SLC4A10: variants seen among roughly 807,000 people sequenced by gnomAD.
SLC4A10 encodes sodium-driven chloride bicarbonate exchanger.
Under a neutral mutation model 137.7 loss-of-function variants are expected in SLC4A10, and 42 were observed. The ratio of observed to expected loss-of-function variants is 0.30; its 90% CI spans 0.24 to 0.39. The LOEUF (loss-of-function observed/expected upper bound fraction) is 0.39, where lower values mean the gene tolerates loss of function less well. Among genes scored for constraint, SLC4A10 ranks in the 10% least tolerant of loss-of-function variants. SLC4A10 has a pLI of 1.00. For missense variants in SLC4A10, 925 were observed against 1,355.0 expected, an observed-to-expected ratio of 0.68 and a Z score of 4.98; for synonymous variants, 474 against 464.1, an observed-to-expected ratio of 1.02 and a Z score of -0.27.
In SLC4A10 at chr2:161,957,171, G is replaced by A. The variant is rs1262120947; in HGVS notation, c.2724G>A (p.Glu908=). The change falls in exon 20 of 27, where the codon GAG becomes GAA. Residue 908 remains glutamate, a synonymous_variant. Coordinates refer to ENST00000446997, the MANE Select transcript of SLC4A10 (RefSeq NM_001178015.2). The part of the protein sequence containing the change: ...GEQPKFLGIR[E]QRVTGLMIFI... ...AACCCAAATTTCTCGGCATTCGGGA[G>A]CAAAGGGTTACTGGGCTTATGATTT... The A allele has an allele frequency of 1.2e-5, 19 of 1,613,560 alleles. No homozygotes were observed. Among genetic ancestry groups the A allele is most frequent in the Admixed American group, 5.0e-5 (3 of 59,936 alleles).
At chr2:161,855,241 C>T (rs1403459536) in intron 5 of SLC4A10, 111 bp downstream of exon 5, 1 of 1,028,966 alleles carries the variant, frequency 9.7e-7, no homozygotes, top group Non-Finnish European at 1.4e-6. Flanking sequence ...TTCTCATAAT[C>T]ACTGCATAAG....
intron 4 of SLC4A10, among the ~76,000 whole-genome samples, chr2:161,843,535 G>A (rs1365882684): frequency 1.3e-5 from 2 of 152,064 alleles, no homozygotes; most frequent in African/African-American, 4.8e-5. Context: ...GGGGAGGGTA[G>A]ATGAATTTTA....
At chr2:161,749,041 T>C (rs1455431296) in intron 1 of SLC4A10, among the ~76,000 whole-genome samples, 1 of 152,034 alleles carries the variant, frequency 6.6e-6, no homozygotes, top group Non-Finnish European at 1.5e-5. Flanking sequence ...TTGATGCTAT[T>C]GTAAATGAGG....
intron 15 of SLC4A10, among the ~76,000 whole-genome samples, chr2:161,913,738 C>T (rs1050930385): frequency 6.6e-6 from 1 of 152,160 alleles, no homozygotes; most frequent in Admixed American, 6.5e-5. Flanking sequence ...AATGCTTTTT[C>T]GAAGTAGATG....
chr2:161,947,736 A>C lies in SLC4A10; in HGVS notation c.2265+9A>C, dbSNP rs1424860141. 12 of 1,608,530 alleles carry C rather than the reference A, an allele frequency of 7.5e-6. No individual in the cohort carries two copies. The highest frequency in any genetic ancestry group is 1.0e-5 in the Non-Finnish European group (12 of 1,177,662). On this transcript the variant is annotated intron_variant, in intron 17 of 26. Transcript: ENST00000446997. ...GATATTTTCCAACCAAGGTACTTAG[A>C]CTATTTCTTGATCTAAATGTAAAAT...
At chr2:161,768,379 G>A (rs1247871584) in intron 1 of SLC4A10, among the ~76,000 whole-genome samples, 1 of 151,920 alleles carries the variant, frequency 6.6e-6, no homozygotes, top group Non-Finnish European at 1.5e-5. Flanking sequence ...CCCAAAGTCC[G>A]ATTATTTTCT....
At chr2:161,756,510 G>A (rs1281392266) in intron 1 of SLC4A10, among the ~76,000 whole-genome samples, 2 of 152,154 alleles carry the variant, frequency 1.3e-5, no homozygotes, top group Non-Finnish European at 2.9e-5. Flanking sequence ...TTTTTAGGAT[G>A]AGTCAGGACC....
At chr2:161,817,697 T>A (rs2057224602) in intron 3 of SLC4A10, among the ~76,000 whole-genome samples, 2 of 152,214 alleles carry the variant, frequency 1.3e-5, no homozygotes, top group African/African-American at 4.8e-5. Flanking sequence ...TTTCTACCTA[T>A]GGCTAGCCAG....
intron 6 of SLC4A10, among the ~76,000 whole-genome samples, chr2:161,865,191 GA>G (rs2060666554): frequency 6.6e-6 from 1 of 151,698 alleles, no homozygotes; most frequent in Admixed American, 6.6e-5. Flanking sequence ...AGAGACTACA[GA>G]ATTTATTGGA....
chr2:161,674,561 A>G (rs1325840837), intron 1 of SLC4A10, among the ~76,000 whole-genome samples: 14 of 152,180 alleles, frequency 9.2e-5, no homozygotes, highest in Admixed American at 9.2e-4. Context: ...ATGCTGTTCT[A>G]ATGAAAGGGG....
At chr2:161,809,604 T>A (rs915786704) in intron 3 of SLC4A10, among the ~76,000 whole-genome samples, 12 of 152,288 alleles carry the variant, frequency 7.9e-5, no homozygotes, top group African/African-American at 2.6e-4. Context: ...GGCTTGACAG[T>A]TATCCCAGCA....
intron 19 of SLC4A10, among the ~76,000 whole-genome samples, chr2:161,954,553 C>A (rs1321565070): frequency 6.6e-6 from 1 of 152,130 alleles, no homozygotes; most frequent in Admixed American, 6.6e-5. Context: ...GCTGGCATGC[C>A]TATCAGCTAA....
At chr2:161,641,550 A>G (rs999017666) in intron 1 of SLC4A10, among the ~76,000 whole-genome samples, 2 of 152,146 alleles carry the variant, frequency 1.3e-5, no homozygotes, top group Non-Finnish European at 2.9e-5. Flanking sequence ...GTAATCTTGT[A>G]GCAGTTATAC....
In SLC4A10 at chr2:161,637,718, A is replaced by G. The variant is rs184318024; in HGVS notation, c.48+13152A>G. On this transcript the variant is annotated intron_variant, in intron 1 of 26. Coordinates refer to ENST00000446997, the MANE Select transcript of SLC4A10 (RefSeq NM_001178015.2). ...TTTGAGGATATTGTCCATAATGGCT[A>G]TACAAATTTATTCTCACCAGTTGTG... Among the ~76,000 whole-genome samples the G allele has an allele frequency of 3.3e-5, 5 of 152,258 alleles. No homozygotes were observed. In the East Asian group the frequency reaches 9.7e-4, roughly 29 times the overall value.
chr2:161,749,645 C>T (rs1304507474), intron 1 of SLC4A10, among the ~76,000 whole-genome samples: 2 of 151,772 alleles, frequency 1.3e-5, no homozygotes, highest in Non-Finnish European at 3.0e-5. Context: ...TTTGATGTGT[C>T]ACTGAGTTCC....
intron 1 of SLC4A10, among the ~76,000 whole-genome samples, chr2:161,742,666 C>T (rs1205501856): frequency 6.6e-6 from 1 of 151,970 alleles, no homozygotes; most frequent in East Asian, 1.9e-4. Context: ...TCTCAAACTC[C>T]TGACCTCAAG....
At chr2:161,720,624 A>G (rs1230028675) in intron 1 of SLC4A10, among the ~76,000 whole-genome samples, 1 of 152,124 alleles carries the variant, frequency 6.6e-6, no homozygotes, top group Admixed American at 6.5e-5. Flanking sequence ...ACCCTTTACC[A>G]TTATATAATG....
At chr2:161,655,661 G>A (rs1334611886) in intron 1 of SLC4A10, among the ~76,000 whole-genome samples, 2 of 152,026 alleles carry the variant, frequency 1.3e-5, no homozygotes, top group Admixed American at 1.3e-4. Context: ...GAAGAGGAGG[G>A]AATATATTTA....
intron 1 of SLC4A10, among the ~76,000 whole-genome samples, chr2:161,627,598 A>G (rs1006975827): frequency 2.6e-5 from 4 of 152,156 alleles, no homozygotes; most frequent in Non-Finnish European, 5.9e-5. Flanking sequence ...TTTGAAGGAT[A>G]CGGGCAGAGG....
Sources: gnomAD v4.1 joint callset for allele counts (sites outside exome capture counted in the v4.1 genomes callset) on GRCh38, gnomAD v4.1.1 for gene constraint, MANE v1.5 for transcripts, NCBI Gene and HGNC (gene_info 2026-07-23, HGNC 2026-07-21) for gene names.